Variants in RPS6KA5 observed in about 807,000 individuals in gnomAD.
The protein encoded by RPS6KA5 is ribosomal protein S6 kinase alpha-5.
Under a neutral mutation model 85.5 loss-of-function variants are expected in RPS6KA5, and 27 were observed. The observed-to-expected ratio is 0.32, with a 90% CI of 0.23 to 0.44. RPS6KA5 has a LOEUF of 0.44. Ranked by LOEUF, RPS6KA5 falls within the 20% of genes least tolerant of loss-of-function variation. RPS6KA5 has a pLI of 1.00. For synonymous variants in RPS6KA5, 334 were observed against 348.2 expected, an observed-to-expected ratio of 0.96 and a Z score of 0.46; for missense variants, 811 against 980.9, an observed-to-expected ratio of 0.83 and a Z score of 2.31.
At chr14:90,907,292 T>C (rs556704176) in intron 7 of RPS6KA5, among the ~76,000 whole-genome samples, 18 of 152,332 alleles carry the variant, frequency 1.2e-4, no homozygotes, top group African/African-American at 3.8e-4. Context: ...AGTTAGAATA[T>C]AGACTTTGGA....
chr14:91,017,321 C>A (rs2041546330), intron 1 of RPS6KA5, among the ~76,000 whole-genome samples: 1 of 152,138 alleles, frequency 6.6e-6, no homozygotes, highest in Non-Finnish European at 1.5e-5. Flanking sequence ...ATTTGCCTTC[C>A]CTGCACACAA....
chr14:90,968,316 A>G (rs1396208259), intron 3 of RPS6KA5, among the ~76,000 whole-genome samples: 1 of 151,748 alleles, frequency 6.6e-6, no homozygotes, highest in Admixed American at 6.6e-5. Flanking sequence ...CCCTCTTCCT[A>G]TTGTGTAAGG....
chr14:90,944,363 C>A (rs2037754852), intron 4 of RPS6KA5, among the ~76,000 whole-genome samples: 2 of 151,992 alleles, frequency 1.3e-5, no homozygotes, highest in African/African-American at 4.8e-5. Context: ...ATGTCTGTAA[C>A]CCTAGACTTT....
intron 2 of RPS6KA5, among the ~76,000 whole-genome samples, chr14:90,991,718 A>C (rs1463169409): frequency 6.6e-6 from 1 of 151,074 alleles, no homozygotes; most frequent in African/African-American, 2.4e-5. Context: ...AAAAAAAAAA[A>C]AAGAAGAGAG....
intron 1 of RPS6KA5, among the ~76,000 whole-genome samples, chr14:91,033,720 G>A (rs762455911): frequency 5.3e-5 from 8 of 152,178 alleles, no homozygotes; most frequent in Non-Finnish European, 1.2e-4. Context: ...GAATTATCTA[G>A]TACAGGTGAA....
rs1566825858 is a variant in RPS6KA5 at position 90,983,801 on chromosome 14, C to CTCTCTCTCTG, written c.176-5278_176-5277insCAGAGAGAGA. 1.0e-3 allele frequency among the ~76,000 whole-genome samples: 122 copies of CTCTCTCTCTG among 121,844 alleles called. 2 individuals are homozygous for CTCTCTCTCTG. Among genetic ancestry groups the CTCTCTCTCTG allele is most frequent in the South Asian group, 1.7e-3 (6 of 3,496 alleles). The allele number at this position is 121,844 out of a possible 152,430, so 79.9% of individuals were successfully genotyped here. Reference sequence around the variant, plus strand: ...TCTTTCTTTCTTTCTCTCTCTCTCTCTCTCTCTCTCTCTCTGTCTCTCTCT... The same window carrying CTCTCTCTCTG: ...TCTTTCTTTCTTTCTCTCTCTCTCTCTCTCTCTCTGTCTCTCTCTCTCTCTGTCTCTCTCT... On this transcript the variant is annotated intron_variant, in intron 2 of 16. Transcript: ENST00000614987.
At chr14:90,916,841 CT>C (rs982947522) in intron 7 of RPS6KA5, among the ~76,000 whole-genome samples, 4 of 152,162 alleles carry the variant, frequency 2.6e-5, no homozygotes, top group Non-Finnish European at 5.9e-5. Flanking sequence ...CTCTCTTTCT[CT>C]TTCTAAAACC....
chr14:91,004,211 G>A (rs1174889091), intron 1 of RPS6KA5, among the ~76,000 whole-genome samples: 1 of 152,170 alleles, frequency 6.6e-6, no homozygotes, highest in East Asian at 1.9e-4. Context: ...TCAGCCTCCC[G>A]AGGAGCTGGG....
intron 3 of RPS6KA5, among the ~76,000 whole-genome samples, chr14:90,977,699 T>C (rs2039626418): frequency 6.6e-6 from 1 of 152,214 alleles, no homozygotes; most frequent in African/African-American, 2.4e-5. Context: ...TCCTCACATT[T>C]GAATGGAAGC....
At chr14:91,039,568 C>T (rs1045936538) in intron 1 of RPS6KA5, among the ~76,000 whole-genome samples, 1 of 152,158 alleles carries the variant, frequency 6.6e-6, no homozygotes, top group African/African-American at 2.4e-5. Context: ...ACATCAAGGT[C>T]CTTATGTTTC....
chr14:90,879,276 CAT>C (rs10545516), intron 14 of RPS6KA5, among the ~76,000 whole-genome samples: 30,221 of 152,196 alleles, frequency 0.2, 3,271 homozygotes, highest in Middle Eastern at 0.27. Context: ...TGCTTACACA[CAT>C]GTCACTTGTC....
intron 2 of RPS6KA5, among the ~76,000 whole-genome samples, chr14:90,988,650 T>C (rs1426590172): frequency 2.6e-5 from 4 of 152,052 alleles, no homozygotes; most frequent in African/African-American, 9.7e-5. Flanking sequence ...CCGTCTCTAC[T>C]AAAAATACAA....
intron 2 of RPS6KA5, among the ~76,000 whole-genome samples, chr14:90,992,650 T>G (rs752296034): frequency 3.9e-5 from 6 of 152,198 alleles, no homozygotes; most frequent in Non-Finnish European, 7.3e-5. Flanking sequence ...GAGGAAATAA[T>G]CCCCCTTTTC....
At chr14:90,889,552 T>C (rs533526823) in intron 14 of RPS6KA5, among the ~76,000 whole-genome samples, 106 of 152,230 alleles carry the variant, frequency 7.0e-4, no homozygotes, top group African/African-American at 2.2e-3. Context: ...TCTGGGAATC[T>C]ATCCTAAGGA....
intron 1 of RPS6KA5, among the ~76,000 whole-genome samples, chr14:91,029,043 AG>A (rs1782940239): frequency 6.6e-6 from 1 of 152,196 alleles, no homozygotes; most frequent in East Asian, 1.9e-4. Context: ...GGAAGTAAAA[AG>A]GCAAGTTTTA....
At chr14:91,005,090 CTAA>C (rs2040962189) in intron 1 of RPS6KA5, among the ~76,000 whole-genome samples, 1 of 152,148 alleles carries the variant, frequency 6.6e-6, no homozygotes, top group Admixed American at 6.5e-5. Flanking sequence ...TCCCTGGTAA[CTAA>C]TAATCTAATT....
At chr14:91,055,673 G>A (rs2043283270) in intron 1 of RPS6KA5, among the ~76,000 whole-genome samples, 1 of 152,188 alleles carries the variant, frequency 6.6e-6, no homozygotes, top group African/African-American at 2.4e-5. Flanking sequence ...GAGTTACTCA[G>A]GAGGCTGAGG....
rs1193651642 is a variant in RPS6KA5 at position 90,866,730 on chromosome 14, C to G, written c.*5344G>C. The G allele has an allele frequency of 1.3e-5, 2 of 152,102 alleles. No homozygotes were observed. The highest frequency in any genetic ancestry group is 2.9e-5 in the Non-Finnish European group (2 of 68,014). 9.4% of individuals were successfully genotyped at this position (152,102 alleles called of 1,614,324 possible). On this transcript the variant is annotated 3_prime_UTR_variant, in exon 17 of 17. Transcript: ENST00000614987. ...TTTAAAATGCCAGTCTTTAAAAATT[C>G]CTCTATGTGTATATGTGGTTTCTTC... is the stretch of plus-strand genomic sequence containing the variant.
chr14:91,047,709 G>C (rs1163630213), intron 1 of RPS6KA5, among the ~76,000 whole-genome samples: 1 of 152,122 alleles, frequency 6.6e-6, no homozygotes, highest in Non-Finnish European at 1.5e-5. Flanking sequence ...TTTTCTTATA[G>C]TTCTGGAGAT....
Sources: allele counts gnomAD v4.1 joint callset (sites outside exome capture counted in the v4.1 genomes callset), GRCh38; gene constraint gnomAD v4.1.1; transcripts MANE v1.5; gene names NCBI Gene and HGNC (gene_info 2026-07-23, HGNC 2026-07-21).